XKR6: variants seen among roughly 807,000 people sequenced by gnomAD.
XKR6 encodes the protein XK related 6.
Under a neutral mutation model 56.7 loss-of-function variants are expected in XKR6, and 22 were observed. The observed-to-expected ratio is 0.39, with a 90% CI of 0.28 to 0.55. XKR6 has a LOEUF of 0.55. Ranked by LOEUF, XKR6 falls within the 20% of genes least tolerant of loss-of-function variation. XKR6 has a pLI of 0.66. For synonymous variants in XKR6, 524 were observed against 387.8 expected (o/e 1.35, Z -4.13); for missense variants, 852 against 889.0 (o/e 0.96, Z 0.53).
Position 10,928,172 on chromosome 8 carries a change from T to C in XKR6, c.765-3342A>G, listed in dbSNP as rs573591468. Among the ~76,000 whole-genome samples the C allele has an allele frequency of 2.0e-5, 3 of 152,328 alleles. No individual in the cohort carries two copies. The South Asian group carries it at 6.2e-4, about 32-fold the overall frequency. On this transcript the variant is annotated intron_variant, in intron 1 of 2. Transcript: ENST00000416569. ...GCCCAGGTGCCAGAACGCAAGCCACTGCCGCCTCAGTCACTCAGTGCTGTG... is the reference window on the plus strand; with the variant it reads ...GCCCAGGTGCCAGAACGCAAGCCACCGCCGCCTCAGTCACTCAGTGCTGTG...
At chr8:10,928,882 C>T (rs1800977988) in intron 1 of XKR6, among the ~76,000 whole-genome samples, 1 of 152,228 alleles carries the variant, frequency 6.6e-6, no homozygotes, top group Admixed American at 6.5e-5. Context: ...GGACTTGCTC[C>T]CAAAGTCGGT....
At chr8:11,032,065 C>A (rs1799006199) in intron 1 of XKR6, among the ~76,000 whole-genome samples, 1 of 152,194 alleles carries the variant, frequency 6.6e-6, no homozygotes, top group Non-Finnish European at 1.5e-5. Flanking sequence ...GTGGGGCAGG[C>A]AACAGGTTTG....
chr8:10,949,647 G>A (rs779916901), intron 1 of XKR6, among the ~76,000 whole-genome samples: 1 of 152,230 alleles, frequency 6.6e-6, no homozygotes, highest in Non-Finnish European at 1.5e-5. Context: ...TATGTCTATT[G>A]TTATCCCCAT....
At chr8:11,164,548 C>T (rs1801975178) in intron 1 of XKR6, among the ~76,000 whole-genome samples, 1 of 152,212 alleles carries the variant, frequency 6.6e-6, no homozygotes, top group Non-Finnish European at 1.5e-5. Flanking sequence ...AAGTCCCTAT[C>T]TTAAAAGATA....
rs1375090014 is a variant in XKR6, at chr8:11,201,352, C to T, written c.-13G>A. 2 of 1,508,388 alleles carry T rather than the reference C, an allele frequency of 1.3e-6. No homozygotes were observed. Among genetic ancestry groups the T allele is most frequent in the Non-Finnish European group, 1.8e-6 (2 of 1,137,948 alleles). 93.4% of individuals were successfully genotyped at this position (1,508,388 alleles called of 1,614,324 possible). ...ATTTCGCCGCCATCTTGACTCTCTT[C>T]CCAGCTCCGGAGGTTGGGGGGGAGG... On this transcript the variant is annotated 5_prime_UTR_variant, in exon 1 of 3. Coordinates refer to ENST00000416569, the MANE Select transcript of XKR6 (RefSeq NM_173683.4).
chr8:11,136,340 T>C (rs951865334), intron 1 of XKR6, among the ~76,000 whole-genome samples: 1 of 152,156 alleles, frequency 6.6e-6, no homozygotes, highest in African/African-American at 2.4e-5. Flanking sequence ...GGCAAGACCC[T>C]GTCTCTACTA....
chr8:11,085,928 C>G (rs145802426), intron 1 of XKR6, among the ~76,000 whole-genome samples: 99 of 152,232 alleles, frequency 6.5e-4, no homozygotes, highest in African/African-American at 2.3e-3. Context: ...ACCCAGGAAT[C>G]TGCATTTCCA....
At chr8:10,908,776 G>C (rs908051206) in intron 2 of XKR6, among the ~76,000 whole-genome samples, 14 of 152,202 alleles carry the variant, frequency 9.2e-5, no homozygotes, top group African/African-American at 3.4e-4. Context: ...GCCTTCAAGA[G>C]GTGGTTAGGC....
At chr8:11,172,111 C>T (rs936924801) in intron 1 of XKR6, among the ~76,000 whole-genome samples, 3 of 151,736 alleles carry the variant, frequency 2.0e-5, no homozygotes, top group Non-Finnish European at 4.4e-5. Flanking sequence ...TGGCTCAGAC[C>T]TATAATCCCA....
intron 1 of XKR6, among the ~76,000 whole-genome samples, chr8:10,943,707 G>C (rs7814762): frequency 0.21 from 31,630 of 152,106 alleles, 4,348 homozygotes; most frequent in African/African-American, 0.39. Context: ...CAGATGAAGA[G>C]ACCAAAGCAA....
intron 1 of XKR6, among the ~76,000 whole-genome samples, chr8:11,143,557 T>G (rs59806445): frequency 2.2e-3 from 334 of 152,250 alleles, no homozygotes; most frequent in African/African-American, 7.4e-3. Context: ...AAAGACACAG[T>G]CTAAAAACAT....
At chr8:11,178,957 C>T (rs74643165) in intron 1 of XKR6, among the ~76,000 whole-genome samples, 1,672 of 151,642 alleles carry the variant, frequency 0.011, 40 homozygotes, top group African/African-American at 0.039. Flanking sequence ...ATCTTCCCGC[C>T]TCAGCCTCCC....
intron 1 of XKR6, among the ~76,000 whole-genome samples, chr8:11,068,884 G>A (rs1800047107): frequency 6.6e-6 from 1 of 152,146 alleles, no homozygotes; most frequent in Non-Finnish European, 1.5e-5. Context: ...CACCCGTCAG[G>A]AAGAATCTCC....
At chr8:11,046,920 C>T (rs949016063) in intron 1 of XKR6, among the ~76,000 whole-genome samples, 2 of 152,016 alleles carry the variant, frequency 1.3e-5, no homozygotes, top group Non-Finnish European at 2.9e-5. Context: ...TACATGATCT[C>T]GCTTATGTGT....
At chr8:11,130,043 T>C (rs10503416) in intron 1 of XKR6, among the ~76,000 whole-genome samples, 59,383 of 151,906 alleles carry the variant, frequency 0.39, 12,305 homozygotes, top group Middle Eastern at 0.48. Context: ...CTGAAATTAA[T>C]TCTCCAAAGC....
intron 1 of XKR6, among the ~76,000 whole-genome samples, chr8:11,065,337 G>C (rs533639114): frequency 3.9e-4 from 60 of 152,300 alleles, no homozygotes; most frequent in Admixed American, 2.9e-3. Flanking sequence ...TTATTCTTTA[G>C]AAAAACTCTC....
chr8:11,191,062 A>T (rs28448811), intron 1 of XKR6, among the ~76,000 whole-genome samples: 2 of 152,170 alleles, frequency 1.3e-5, no homozygotes, highest in African/African-American at 4.8e-5. Context: ...CTAAACTAGG[A>T]CATAGGGGGC....
Position 11,010,737 on chromosome 8 carries a change from T to C in XKR6, c.765-85907A>G, listed in dbSNP as rs141676800. ...GCTTTCCATTTCATTGACAGTCTTC[T>C]TTACTACCTTTTTTTCTAAAACAGT... On this transcript the variant is annotated intron_variant, in intron 1 of 2. Coordinates refer to ENST00000416569, the MANE Select transcript of XKR6 (RefSeq NM_173683.4). Among the ~76,000 whole-genome samples, 796 of 152,304 alleles carry C rather than the reference T, an allele frequency of 5.2e-3. 16 individuals carry two copies. Among genetic ancestry groups the C allele is most frequent in the East Asian group, 0.013 (70 of 5,192 alleles).
intron 1 of XKR6, among the ~76,000 whole-genome samples, chr8:11,167,926 A>G (rs1802170138): frequency 6.6e-6 from 1 of 151,726 alleles, no homozygotes; most frequent in Admixed American, 6.6e-5. Context: ...CACACAAAAA[A>G]AACAGTACCA....
Sources: gnomAD v4.1 joint callset for allele counts (sites outside exome capture counted in the v4.1 genomes callset) on GRCh38, gnomAD v4.1.1 for gene constraint, MANE v1.5 for transcripts, NCBI Gene and HGNC (gene_info 2026-07-23, HGNC 2026-07-21) for gene names.